The following DEPDC5 variants were observed in gnomAD, a reference collection of about 807,000 sequenced individuals.
DEPDC5 encodes DEP domain containing 5, GATOR1 subcomplex subunit.
Under a neutral mutation model 217.3 loss-of-function variants are expected in DEPDC5, and 73 were observed. The ratio of observed to expected loss-of-function variants is 0.34; its 90% CI spans 0.28 to 0.41. The LOEUF (loss-of-function observed/expected upper bound fraction) is 0.41. Among genes scored for constraint, DEPDC5 ranks in the 10% least tolerant of loss-of-function variants. The pLI is 1.00. For missense variants in DEPDC5, 1,675 were observed against 2,070.1 expected (o/e 0.81, Z 3.70); for synonymous variants, 733 against 756.7 (o/e 0.97, Z 0.51).
In DEPDC5 at chr22:31,804,079, A is replaced by G. The variant is rs1348603736; in HGVS notation, c.1082-83A>G. ...GGTAAGTTAGCTTTGCCTACTACCCATTTAAATAACATGATTTATAGATAG... is the reference window on the plus strand; with the variant it reads ...GGTAAGTTAGCTTTGCCTACTACCCGTTTAAATAACATGATTTATAGATAG... On this transcript the variant is annotated intron_variant, in intron 15 of 42. Transcript: ENST00000651528. 9 of 1,395,008 alleles carry G rather than the reference A, an allele frequency of 6.5e-6. No homozygotes were observed. In the Admixed American group the frequency reaches 1.6e-4, roughly 25 times the overall value. The allele number at this position is 1,395,008 out of a possible 1,614,324, so 86.4% of individuals were successfully genotyped here.
intron 21 of DEPDC5, chr22:31,815,545 C>G: frequency 1.6e-6 from 1 of 619,824 alleles, no homozygotes; most frequent in Non-Finnish European, 2.8e-6. Flanking sequence ...CCACACCCAG[C>G]TGATTATCAT....
chr22:31,863,072 C>A (rs1177117182), intron 33 of DEPDC5, among the ~76,000 whole-genome samples: 1 of 151,882 alleles, frequency 6.6e-6, no homozygotes, highest in Non-Finnish European at 1.5e-5. Flanking sequence ...CTGGTCAACT[C>A]CTGGTGTCAA....
chr22:31,888,750 T>C (rs1441109017), intron 38 of DEPDC5, among the ~76,000 whole-genome samples: 1 of 152,132 alleles, frequency 6.6e-6, no homozygotes, highest in Admixed American at 6.6e-5. Flanking sequence ...GGGTCTTTGT[T>C]GCCCAGGCTG....
At chr22:31,876,330 C>G in intron 37 of DEPDC5, 65 bp downstream of exon 37, 1 of 1,262,088 alleles carries the variant, frequency 7.9e-7, no homozygotes, top group Non-Finnish European at 1.1e-6. Flanking sequence ...CTTGCTCTTT[C>G]ACATGATGGT....
chr22:31,771,746 C>T (rs2083384022), intron 7 of DEPDC5, among the ~76,000 whole-genome samples: 1 of 128,368 alleles, frequency 7.8e-6, no homozygotes. Flanking sequence ...CACACACACA[C>T]ACACACACAC....
chr22:31,878,019 C>G (rs2093053227), intron 37 of DEPDC5, among the ~76,000 whole-genome samples: 1 of 151,734 alleles, frequency 6.6e-6, no homozygotes, highest in Non-Finnish European at 1.5e-5. Flanking sequence ...AACCCCATCT[C>G]TACTAAAAAA....
chr22:31,855,733 T>A (rs1023364929), intron 31 of DEPDC5, among the ~76,000 whole-genome samples: 4 of 152,118 alleles, frequency 2.6e-5, no homozygotes, highest in Admixed American at 2.6e-4. Flanking sequence ...CCGGAATGGC[T>A]CTAATGATAT....
chr22:31,774,204 CTTT>C (rs199567632), intron 7 of DEPDC5, among the ~76,000 whole-genome samples: 3 of 142,410 alleles, frequency 2.1e-5, no homozygotes, highest in Non-Finnish European at 3.1e-5. Flanking sequence ...CACATTGTAA[CTTT>C]TTTTTTTTTT....
chr22:31,828,474 A>AC (rs2090336426), intron 24 of DEPDC5, among the ~76,000 whole-genome samples: 1 of 146,438 alleles, frequency 6.8e-6, no homozygotes, highest in Non-Finnish European at 1.5e-5. Context: ...AAAAAAAAAA[A>AC]CAGTTCCTGG....
intron 21 of DEPDC5, among the ~76,000 whole-genome samples, chr22:31,818,727 G>C (rs975946287): frequency 6.6e-6 from 1 of 152,210 alleles, no homozygotes; most frequent in Non-Finnish European, 1.5e-5. Flanking sequence ...TTCAGTCATT[G>C]CTTCCAGCTC....
rs1486633691 is a variant in DEPDC5, at chr22:31,838,843, G to A, written c.2513G>A (p.Arg838Gln). 3 of 1,610,404 alleles carry A rather than the reference G, an allele frequency of 1.9e-6. No individual in the cohort carries two copies. The highest frequency in any genetic ancestry group is 1.7e-5 in the Admixed American group (1 of 59,542). Residue 838 changes from arginine to glutamine, a missense_variant and splice_region_variant, in exon 27 of 43, where the codon CGA (arginine) becomes CAA (glutamine). By Grantham distance (43) the Arg-to-Gln change is conservative. Transcript: ENST00000651528. ...CTGAGCAGTAGCCCACTCTATAGCCGAGGTGAGTTTTTCTCCTTGGATTTC... is the reference window on the plus strand; with the variant it reads ...CTGAGCAGTAGCCCACTCTATAGCCAAGGTGAGTTTTTCTCCTTGGATTTC... ...PPLSSSPLYS[R>Q]GLVSRNRPEE... is the part of the protein sequence containing the mutation.
intron 8 of DEPDC5, among the ~76,000 whole-genome samples, chr22:31,781,126 G>A (rs1305231676): frequency 6.6e-6 from 1 of 151,384 alleles, no homozygotes; most frequent in Non-Finnish European, 1.5e-5. Context: ...TGAGGCAAGA[G>A]AATCTCTTGA....
intron 24 of DEPDC5, among the ~76,000 whole-genome samples, chr22:31,831,596 G>A (rs867721682): frequency 2.2e-4 from 33 of 152,120 alleles, no homozygotes; most frequent in Middle Eastern, 3.4e-3. Flanking sequence ...GAGTAGCTGG[G>A]ATTATAGGTG....
chr22:31,768,781 C>T, intron 6 of DEPDC5, 33 bp from the exon 7 acceptor site: 6 of 1,562,560 alleles, frequency 3.8e-6, no homozygotes, highest in African/African-American at 1.4e-5. Context: ...TCCCTCCCTC[C>T]CTCTCTCTAC....
At chr22:31,815,762 C>A in intron 21 of DEPDC5, 3 of 1,181,320 alleles carry the variant, frequency 2.5e-6, no homozygotes, top group Non-Finnish European at 3.2e-6. Flanking sequence ...AACTCCTGGA[C>A]TCGAGGGATC....
chr22:31,836,866 C>T, intron 25 of DEPDC5, 106 bp from the exon 26 acceptor site: 1 of 1,090,934 alleles, frequency 9.2e-7, no homozygotes, highest in East Asian at 2.5e-5. Flanking sequence ...CATCTTTCAC[C>T]CTGAACTTTT....
intron 37 of DEPDC5, among the ~76,000 whole-genome samples, chr22:31,879,024 C>A (rs1216858164): frequency 1.2e-5 from 1 of 80,862 alleles, no homozygotes; most frequent in Non-Finnish European, 2.2e-5. Flanking sequence ...AGCGAGACTC[C>A]GTCTCAAAAA....
chr22:31,821,047 G>C (rs1373361441), intron 22 of DEPDC5, among the ~76,000 whole-genome samples: 1 of 152,212 alleles, frequency 6.6e-6, no homozygotes, highest in Non-Finnish European at 1.5e-5. Context: ...TTGTAGACTT[G>C]ACTAATTGTA....
chr22:31,817,576 C>T lies in DEPDC5; in HGVS notation c.1667-1446C>T, dbSNP rs530140257. ...CAATATTGGCTCACTACAGCCTCAA[C>T]CTCCTGGGCTCACGTGATCCTCCCA... On this transcript the variant is annotated intron_variant, in intron 21 of 42. Transcript: ENST00000651528. 15 of 255,218 alleles carry T rather than the reference C, an allele frequency of 5.9e-5. No individual in the cohort carries two copies. In the South Asian group the frequency reaches 6.7e-4, roughly 11 times the overall value. The allele number at this position is 255,218 out of a possible 1,614,324, so 15.8% of individuals were successfully genotyped here.
Sources: gnomAD v4.1 joint callset for allele counts (sites outside exome capture counted in the v4.1 genomes callset) on GRCh38, gnomAD v4.1.1 for gene constraint, MANE v1.5 for transcripts, NCBI Gene and HGNC (gene_info 2026-07-23, HGNC 2026-07-21) for gene names.